Variants in TNS3 observed in about 807,000 individuals in gnomAD.
TNS3 encodes the protein tensin-3.
Under a neutral mutation model 140.9 loss-of-function variants are expected in TNS3, and 45 were observed. The observed-to-expected ratio is 0.32, with a 90% CI of 0.25 to 0.41. The LOEUF (loss-of-function observed/expected upper bound fraction) is 0.41. Ranked by LOEUF, TNS3 falls within the 10% of genes least tolerant of loss-of-function variation. TNS3 has a pLI of 1.00. For synonymous variants in TNS3, 815 were observed against 788.4 expected, an observed-to-expected ratio of 1.03 and a Z score of -0.56; for missense variants, 1,716 against 1,906.7, an observed-to-expected ratio of 0.90 and a Z score of 1.86.
At chr7:47,549,349 G>A (rs1047927359) in intron 1 of TNS3, among the ~76,000 whole-genome samples, 4 of 152,104 alleles carry the variant, frequency 2.6e-5, no homozygotes, top group African/African-American at 9.7e-5. Context: ...AAAAAACTTA[G>A]CCATGTGTGG....
chr7:47,392,656 C>T (rs984633829), intron 16 of TNS3, among the ~76,000 whole-genome samples: 3 of 152,210 alleles, frequency 2.0e-5, no homozygotes, highest in East Asian at 1.9e-4. Context: ...GCCTTTCACC[C>T]GCCAGGCGGC....
At chr7:47,336,715 T>C (rs1260304578) in intron 20 of TNS3, among the ~76,000 whole-genome samples, 1 of 152,126 alleles carries the variant, frequency 6.6e-6, no homozygotes, top group African/African-American at 2.4e-5. Flanking sequence ...AAACATCTCA[T>C]GTACTCCATA....
intron 16 of TNS3, chr7:47,396,576 G>T: frequency 1.8e-6 from 1 of 552,596 alleles, no homozygotes; most frequent in South Asian, 2.0e-5. Flanking sequence ...TCATCCACCC[G>T]TTACAGCTTC....
intron 1 of TNS3, among the ~76,000 whole-genome samples, chr7:47,573,227 C>T (rs902157802): frequency 6.6e-6 from 1 of 152,204 alleles, no homozygotes; most frequent in African/African-American, 2.4e-5. Context: ...CAGGAGCCAA[C>T]GCCCTGATAC....
At chr7:47,434,922 CCATCTGAAAAGGG>C (rs1482735450) in intron 8 of TNS3, among the ~76,000 whole-genome samples, 1 of 152,218 alleles carries the variant, frequency 6.6e-6, no homozygotes, top group African/African-American at 2.4e-5. Flanking sequence ...CTGACACAGT[CCATCTGAAAAGGG>C]CATACATAGC....
chr7:47,474,892 C>T lies in TNS3; in HGVS notation c.-76+6211G>A, dbSNP rs199621328. 5.9e-3 allele frequency among the ~76,000 whole-genome samples: 875 copies of T among 147,560 alleles called. 6 individuals are homozygous for T. Among genetic ancestry groups the T allele is most frequent in the African/African-American group, 0.021 (820 of 39,994 alleles). ...AACACTTCACACACAACACACACAC[C>T]GCAACACACACAAAAAAAAACACCT... On this transcript the variant is annotated intron_variant, in intron 4 of 30. Coordinates refer to ENST00000311160, the MANE Select transcript of TNS3 (RefSeq NM_022748.12).
rs1012636830 is a variant in TNS3, at chr7:47,528,937, G to C, written c.-153+99C>G. 5 of 654,732 alleles carry C rather than the reference G, an allele frequency of 7.6e-6. No individual in the cohort carries two copies. The African/African-American group carries it at 9.7e-5, about 13-fold the overall frequency. 40.6% of individuals were successfully genotyped at this position (654,732 alleles called of 1,614,324 possible). On this transcript the variant is annotated intron_variant, in intron 2 of 30. Coordinates refer to ENST00000311160, the MANE Select transcript of TNS3 (RefSeq NM_022748.12). ...TATAAACTAAGAAGGGGAATTCCATGATTTAACTTTCGGAAACTCCTGAAA... is the reference window on the plus strand; with the variant it reads ...TATAAACTAAGAAGGGGAATTCCATCATTTAACTTTCGGAAACTCCTGAAA...
intron 28 of TNS3, among the ~76,000 whole-genome samples, chr7:47,281,221 T>C (rs1785129152): frequency 1.3e-5 from 2 of 152,154 alleles, no homozygotes; most frequent in Non-Finnish European, 2.9e-5. Context: ...ACGACCCCCA[T>C]AGAGACCTCC....
chr7:47,316,276 T>G (rs1446904335), intron 20 of TNS3, among the ~76,000 whole-genome samples: 2 of 152,150 alleles, frequency 1.3e-5, no homozygotes, highest in Non-Finnish European at 2.9e-5. Flanking sequence ...TTCCATTACA[T>G]TTCTAGGCGG....
chr7:47,331,706 C>A (rs751055892), intron 20 of TNS3, among the ~76,000 whole-genome samples: 24 of 152,174 alleles, frequency 1.6e-4, no homozygotes, highest in Non-Finnish European at 3.4e-4. Context: ...TACATGTGTG[C>A]ATATATAAGT....
chr7:47,391,485 G>A (rs757715012), intron 16 of TNS3, among the ~76,000 whole-genome samples: 35 of 152,182 alleles, frequency 2.3e-4, no homozygotes, highest in Admixed American at 5.2e-4. Flanking sequence ...AATTACAACA[G>A]GCCACTTTAC....
rs1799534624 is a variant in TNS3, at chr7:47,534,586, AC to A, written c.-264-5440del. On this transcript the variant is annotated intron_variant, in intron 1 of 30. Transcript: ENST00000311160. Reference sequence around the variant, plus strand: ...ACACTGGAATGTTGTCAAACCCCCCACCCCAGCTCCATCCCGTGATTCTAAT... The same window carrying A: ...ACACTGGAATGTTGTCAAACCCCCCACCCAGCTCCATCCCGTGATTCTAAT... Among the ~76,000 whole-genome samples, 4 of 152,004 alleles carry A rather than the reference AC, an allele frequency of 2.6e-5. No homozygotes were observed. In the South Asian group the frequency reaches 8.3e-4, roughly 32 times the overall value.
chr7:47,483,763 A>C (rs1797511991), intron 3 of TNS3, among the ~76,000 whole-genome samples: 1 of 152,166 alleles, frequency 6.6e-6, no homozygotes, highest in Admixed American at 6.5e-5. Context: ...GTAAGCCGGG[A>C]CTGCCCGAGT....
At chr7:47,532,972 GAACA>G (rs1799459711) in intron 1 of TNS3, among the ~76,000 whole-genome samples, 1 of 151,102 alleles carries the variant, frequency 6.6e-6, no homozygotes, top group Non-Finnish European at 1.5e-5. Flanking sequence ...AACAAAGGCA[GAACA>G]AACAATAGGT....
At chr7:47,580,832 GA>G (rs1784512923) in intron 1 of TNS3, among the ~76,000 whole-genome samples, 1 of 152,190 alleles carries the variant, frequency 6.6e-6, no homozygotes, top group African/African-American at 2.4e-5. Context: ...GGTTAGTTCA[GA>G]AGGGCCATGC....
intron 5 of TNS3, among the ~76,000 whole-genome samples, chr7:47,440,445 G>A (rs1295484617): frequency 6.6e-6 from 1 of 152,240 alleles, no homozygotes; most frequent in African/African-American, 2.4e-5. Flanking sequence ...AGGTGCCCAG[G>A]TGGCCAGGGC....
intron 3 of TNS3, among the ~76,000 whole-genome samples, chr7:47,484,431 G>A (rs952538608): frequency 2.6e-5 from 4 of 152,146 alleles, no homozygotes; most frequent in African/African-American, 7.2e-5. Context: ...CTGTATTTCC[G>A]TCACACTTTT....
intron 24 of TNS3, among the ~76,000 whole-genome samples, chr7:47,296,393 G>A (rs1051896376): frequency 1.4e-4 from 22 of 152,264 alleles, no homozygotes; most frequent in Admixed American, 2.0e-4. Flanking sequence ...GGAAGACAGC[G>A]TGGCGATTCC....
intron 20 of TNS3, among the ~76,000 whole-genome samples, chr7:47,321,838 G>C (rs1490898207): frequency 6.6e-6 from 1 of 152,088 alleles, no homozygotes; most frequent in African/African-American, 2.4e-5. Context: ...CATCCACTTA[G>C]AATGCACAAC....
Sources: allele counts gnomAD v4.1 joint callset (sites outside exome capture counted in the v4.1 genomes callset), GRCh38; gene constraint gnomAD v4.1.1; transcripts MANE v1.5; gene names NCBI Gene and HGNC (gene_info 2026-07-23, HGNC 2026-07-21).